Variants in PRIM2 observed in about 807,000 individuals in gnomAD.
PRIM2 encodes DNA primase subunit 2, also known as DNA primase large subunit.
Under a neutral mutation model 67.3 loss-of-function variants are expected in PRIM2, and 39 were observed. That is an observed-to-expected ratio of 0.58 (90% CI 0.45 to 0.76). The LOEUF is 0.76. Among genes scored for constraint, PRIM2 ranks in the 30% least tolerant of loss-of-function variants. PRIM2 has a pLI of 0.00. For synonymous variants in PRIM2, 143 were observed against 198.7 expected, an observed-to-expected ratio of 0.72 and a Z score of 2.36; for missense variants, 398 against 598.7, an observed-to-expected ratio of 0.66 and a Z score of 3.50.
intron 7 of PRIM2, among the ~76,000 whole-genome samples, chr6:57,467,889 C>T (rs1773244050): frequency 6.6e-6 from 1 of 152,118 alleles, no homozygotes; most frequent in African/African-American, 2.4e-5. Flanking sequence ...CTCTTTGTAG[C>T]AGTTGTGAAT....
intron 13 of PRIM2, among the ~76,000 whole-genome samples, chr6:57,639,441 C>CA (rs1777185929): frequency 6.6e-6 from 1 of 151,598 alleles, no homozygotes; most frequent in Non-Finnish European, 1.5e-5. Context: ...AAAAACCCTT[C>CA]AAAAAATCAA....
chr6:57,368,687 C>G (rs1769448581), intron 5 of PRIM2, among the ~76,000 whole-genome samples: 1 of 152,108 alleles, frequency 6.6e-6, no homozygotes, highest in Admixed American at 6.5e-5. Context: ...TACAGTAATA[C>G]ATACATATAA....
chr6:57,346,727 CAG>C (rs991005298), intron 5 of PRIM2, among the ~76,000 whole-genome samples: 3 of 152,132 alleles, frequency 2.0e-5, no homozygotes, highest in Non-Finnish European at 4.4e-5. Flanking sequence ...TGGTCTAGTT[CAG>C]AGTCTAGGTC....
chr6:57,296,851 G>C, the PRIM2 span, among the ~76,000 whole-genome samples: 2 of 152,074 alleles, frequency 1.3e-5, no homozygotes, highest in Non-Finnish European at 2.9e-5. Context: ...TAAAAGATGG[G>C]TCTGTAACAT....
At position 57,444,730 on chromosome 6, in the gene PRIM2, T is replaced by C. The variant is rs1772313466; in HGVS notation, c.693+62562T>C. On this transcript the variant is annotated intron_variant, in intron 7 of 13. Transcript: ENST00000615550. ...GCAGAAAGGTTAACATTTTGACTGA[T>C]ATATTTACGAAGGTTATAAGAAGGA... is the stretch of plus-strand genomic sequence containing the variant. Among the ~76,000 whole-genome samples the C allele has an allele frequency of 1.3e-5, 2 of 152,332 alleles. 1 individual carries two copies. The highest frequency in any genetic ancestry group is 2.9e-5 in the Non-Finnish European group (2 of 68,038).
chr6:57,336,742 C>G (rs1581802514), intron 5 of PRIM2, among the ~76,000 whole-genome samples: 1 of 152,268 alleles, frequency 6.6e-6, no homozygotes, highest in African/African-American at 2.4e-5. Context: ...CTGGTACCAG[C>G]CACTGCAAAA....
At position 57,645,984 on chromosome 6, in the gene PRIM2, A is replaced by G. The variant is rs1392199014; in HGVS notation, c.1356A>G (p.Gln452=). The G allele has an allele frequency of 5.0e-6, 8 of 1,607,442 alleles. No homozygotes were observed. In the Admixed American group the frequency reaches 1.0e-4, roughly 20 times the overall value. ...NHPNQFFCES[Q]RILNGGKDIK... ...CTAATCAGTTCTTTTGTGAGAGCCA[A>G]CGTATTCTAAATGGTGGTAAAGACA... Residue 452 remains glutamine (Q), a synonymous_variant, in exon 14 of 14, where the codon CAA becomes CAG. Transcript: ENST00000615550.
At chr6:57,243,524 A>C in the PRIM2 span, among the ~76,000 whole-genome samples, 1 of 152,218 alleles carries the variant, frequency 6.6e-6, no homozygotes, top group Non-Finnish European at 1.5e-5. Context: ...GCTGGAGTGC[A>C]GTGGTGCGAT....
intron 10 of PRIM2, among the ~76,000 whole-genome samples, chr6:57,593,306 CT>C (rs1184560097): frequency 1.5e-3 from 211 of 144,814 alleles, no homozygotes; most frequent in Middle Eastern, 7.0e-3. Flanking sequence ...CTTCCTACCT[CT>C]TTTTTTTTTT....
chr6:57,320,454 T>A lies in PRIM2; in HGVS notation c.155-3T>A. On this transcript the variant is annotated splice_region_variant and splice_polypyrimidine_tract_variant and intron_variant, in intron 2 of 13. Coordinates refer to ENST00000615550, the MANE Select transcript of PRIM2 (RefSeq NM_000947.5). ...GCATTTATACCTTTTTTCTTTTTTT[T>A]AGTGTTAAAATCAGTTGAAAATCTT... 1 of 1,578,708 alleles carries A rather than the reference T, an allele frequency of 6.3e-7. No homozygotes were observed. Among genetic ancestry groups the A allele is most frequent in the Non-Finnish European group, 8.6e-7 (1 of 1,165,012 alleles).
At chr6:57,392,215 T>C (rs1770376492) in intron 7 of PRIM2, among the ~76,000 whole-genome samples, 1 of 152,160 alleles carries the variant, frequency 6.6e-6, no homozygotes, top group Non-Finnish European at 1.5e-5. Context: ...ATTTCGTTCA[T>C]TGATTTTGTA....
intron 5 of PRIM2, among the ~76,000 whole-genome samples, chr6:57,362,533 C>A (rs1769236304): frequency 6.6e-6 from 1 of 152,092 alleles, no homozygotes; most frequent in Non-Finnish European, 1.5e-5. Flanking sequence ...ATCATTATAT[C>A]TTTCATGACT....
intron 7 of PRIM2, among the ~76,000 whole-genome samples, chr6:57,480,339 T>C (rs1433338716): frequency 1.3e-5 from 2 of 152,186 alleles, no homozygotes; most frequent in Non-Finnish European, 2.9e-5. Flanking sequence ...AAGAAATGTA[T>C]AGAGGAGTCC....
intron 7 of PRIM2, among the ~76,000 whole-genome samples, chr6:57,456,690 G>GT (rs368450861): frequency 5.8e-4 from 87 of 149,160 alleles, no homozygotes; most frequent in East Asian, 2.2e-3. Context: ...CATTCGTCTA[G>GT]TTTTTTTTTT....
At chr6:57,503,874 T>C (rs1253499925) in intron 7 of PRIM2, among the ~76,000 whole-genome samples, 3 of 152,290 alleles carry the variant, frequency 2.0e-5, no homozygotes, top group East Asian at 3.9e-4. Context: ...TACCAAAGGT[T>C]AGGGAAGGCC....
chr6:57,397,146 G>A (rs1770542822), intron 7 of PRIM2, among the ~76,000 whole-genome samples: 1 of 152,120 alleles, frequency 6.6e-6, no homozygotes, highest in African/African-American at 2.4e-5. Flanking sequence ...AATGTGCCTA[G>A]GTGAAGATCT....
chr6:57,603,925 AT>A (rs1226972594), intron 11 of PRIM2, among the ~76,000 whole-genome samples: 1 of 151,966 alleles, frequency 6.6e-6, no homozygotes, highest in Non-Finnish European at 1.5e-5. Context: ...TAAATATTTT[AT>A]TTATTTATTT....
the PRIM2 span, among the ~76,000 whole-genome samples, chr6:57,294,854 G>C: frequency 6.6e-6 from 1 of 150,546 alleles, no homozygotes; most frequent in Non-Finnish European, 1.5e-5. Context: ...CTGTCACCCA[G>C]TCTGGAGTGC....
At chr6:57,387,607 G>T (rs539649506) in intron 7 of PRIM2, among the ~76,000 whole-genome samples, 17 of 152,244 alleles carry the variant, frequency 1.1e-4, no homozygotes, top group African/African-American at 3.6e-4. Context: ...ATATTCAAAG[G>T]TAAGTATATT....
Sources: allele counts gnomAD v4.1 joint callset (sites outside exome capture counted in the v4.1 genomes callset), GRCh38; gene constraint gnomAD v4.1.1; transcripts MANE v1.5; gene names NCBI Gene and HGNC (gene_info 2026-07-23, HGNC 2026-07-21).